Variants in TENM1 observed in about 807,000 individuals in gnomAD.
TENM1 encodes the protein teneurin-1.
In TENM1, 35 loss-of-function variants were observed where a neutral mutation model predicts 174.8. The observed-to-expected ratio is 0.20, with a 90% CI of 0.15 to 0.27. TENM1 has a LOEUF of 0.27. Ranked by LOEUF, TENM1 falls within the 10% of genes least tolerant of loss-of-function variation. The pLI is 1.00. For synonymous variants in TENM1, 781 were observed against 798.7 expected (o/e 0.98, Z 0.37); for missense variants, 1,633 against 2,130.1 (o/e 0.77, Z 4.59).
intron 15 of TENM1, among the ~76,000 whole-genome samples, chrX:124,531,026 G>C (rs781763644): frequency 4.5e-5 from 5 of 110,368 alleles, no homozygotes; most frequent in Admixed American, 9.7e-5. Flanking sequence ...TCCTAGTCTT[G>C]GCAGCCCTGA....
At chrX:125,162,167 A>G in the TENM1 span, among the ~76,000 whole-genome samples, 2 of 111,676 alleles carry the variant, frequency 1.8e-5, no homozygotes, top group Non-Finnish European at 3.8e-5. Flanking sequence ...GGGGCAAACT[A>G]CTCTAGATAC....
intron 15 of TENM1, among the ~76,000 whole-genome samples, chrX:124,532,653 C>T (rs1256781667): frequency 1.8e-5 from 2 of 112,008 alleles, no homozygotes; most frequent in Non-Finnish European, 3.8e-5. Flanking sequence ...ATAATGCTCA[C>T]AGACTTGTCT....
At chrX:125,058,985 CAT>C in the TENM1 span, among the ~76,000 whole-genome samples, 3 of 91,039 alleles carry the variant, frequency 3.3e-5, no homozygotes, top group Admixed American at 2.6e-4. Flanking sequence ...TTTTCATCAT[CAT>C]CACACACACA....
the TENM1 span, among the ~76,000 whole-genome samples, chrX:125,106,550 C>T: frequency 4.7e-3 from 514 of 109,975 alleles, 4 homozygotes; most frequent in Non-Finnish European, 5.3e-3. Context: ...GCTGGGACTA[C>T]GGGCGCCCGC....
the TENM1 span, among the ~76,000 whole-genome samples, chrX:125,086,715 A>T: frequency 9.0e-6 from 1 of 110,971 alleles, no homozygotes; most frequent in Non-Finnish European, 1.9e-5. Context: ...AAGAATAAGA[A>T]ACACTCATTG....
the TENM1 span, among the ~76,000 whole-genome samples, chrX:125,126,067 C>G: frequency 8.9e-6 from 1 of 111,819 alleles, no homozygotes; most frequent in African/African-American, 3.3e-5. Context: ...GCACACTAAG[C>G]CTTTGGAAAT....
intron 11 of TENM1, among the ~76,000 whole-genome samples, chrX:124,592,010 C>G (rs2049758224): frequency 8.9e-6 from 1 of 111,963 alleles, no homozygotes; most frequent in Admixed American, 9.5e-5. Flanking sequence ...TTGGTCTAGT[C>G]TATTAATAAA....
chrX:124,970,675 T>C, the TENM1 span, among the ~76,000 whole-genome samples: 13 of 111,826 alleles, frequency 1.2e-4, no homozygotes, highest in African/African-American at 4.2e-4. Context: ...GGAACGCTTT[T>C]ACACTGTTGG....
At chrX:124,831,865 T>C (rs1256361748) in intron 3 of TENM1, among the ~76,000 whole-genome samples, 1 of 111,723 alleles carries the variant, frequency 9.0e-6, no homozygotes, top group Non-Finnish European at 1.9e-5. Context: ...CAAATATATG[T>C]TTGTCTCAGA....
At chrX:124,523,438 T>C (rs1242027727) in exon 17 of TENM1, 17 of 1,210,901 alleles carry the variant, frequency 1.4e-5, no homozygotes, top group South Asian at 1.8e-5. Context: ...GGAAGCACAA[T>C]AGGGTTTGGG....
the TENM1 span, among the ~76,000 whole-genome samples, chrX:125,061,343 T>G: frequency 1.5e-4 from 17 of 111,812 alleles, no homozygotes; most frequent in Non-Finnish European, 1.5e-4. Flanking sequence ...TGACCGTGCA[T>G]GCACACATGC....
At chrX:124,567,726 C>G (rs1392856509) in intron 11 of TENM1, among the ~76,000 whole-genome samples, 1 of 111,229 alleles carries the variant, frequency 9.0e-6, no homozygotes, top group Non-Finnish European at 1.9e-5. Flanking sequence ...CAAAAGAACC[C>G]CTGGTCCCGA....
At chrX:124,380,244 A>T in exon 32 of TENM1, 1 of 243,293 alleles carries the variant, frequency 4.1e-6, no homozygotes, top group Non-Finnish European at 7.3e-6. Context: ...GAACATATGC[A>T]TGGCTCGGCA....
chrX:125,132,502 C>T, the TENM1 span, among the ~76,000 whole-genome samples: 1 of 111,858 alleles, frequency 8.9e-6, no homozygotes, highest in Non-Finnish European at 1.9e-5. Flanking sequence ...GTTGTAGAAA[C>T]AACATAAGCT....
At chrX:125,201,876 A>G in the TENM1 span, among the ~76,000 whole-genome samples, 1 of 111,558 alleles carries the variant, frequency 9.0e-6, no homozygotes, top group African/African-American at 3.3e-5. Context: ...AAAATGGCAA[A>G]ATTGGGATTC....
the TENM1 span, among the ~76,000 whole-genome samples, chrX:125,067,262 G>A: frequency 9.0e-6 from 1 of 111,037 alleles, no homozygotes; most frequent in African/African-American, 3.3e-5. Flanking sequence ...TAAGTCAAGG[G>A]ATCTTGGGAA....
intron 6 of TENM1, among the ~76,000 whole-genome samples, chrX:124,659,679 T>A (rs1050363929): frequency 3.6e-5 from 4 of 111,066 alleles, no homozygotes; most frequent in South Asian, 7.7e-4. Context: ...ACTAAAGCAA[T>A]CTTTAAAAAG....
intron 20 of TENM1, 149 bp from the exon 24 acceptor site, chrX:124,487,378 C>T (rs950021658): frequency 1.0e-5 from 5 of 489,222 alleles, no homozygotes; most frequent in South Asian, 7.6e-5. Context: ...TTTAGTCAGG[C>T]GTGCAAGCCA....
intron 11 of TENM1, among the ~76,000 whole-genome samples, chrX:124,618,198 G>A (rs1308076236): frequency 9.0e-6 from 1 of 111,139 alleles, no homozygotes; most frequent in African/African-American, 3.3e-5. Context: ...GAAGCTTTCT[G>A]GAATATATTG....
Sources: gnomAD v4.1 joint callset for allele counts (sites outside exome capture counted in the v4.1 genomes callset) on GRCh38, gnomAD v4.1.1 for gene constraint, MANE v1.5 for transcripts, NCBI Gene and HGNC (gene_info 2026-07-23, HGNC 2026-07-21) for gene names.